CHD9: variants seen among roughly 807,000 people sequenced by gnomAD.
The protein encoded by CHD9 is chromodomain helicase DNA binding protein 9.
CHD9 carries 77 observed loss-of-function variants against 316.1 expected under a neutral mutation model. That is an observed-to-expected ratio of 0.24 (90% confidence interval 0.20 to 0.29). The LOEUF is 0.29. CHD9 is among the 10% of genes least tolerant of loss of function. The pLI, the probability that CHD9 is intolerant of heterozygous loss-of-function variation, is 1.00. For synonymous variants in CHD9, 1,129 were observed against 1,158.3 expected, an observed-to-expected ratio of 0.97 and a Z score of 0.51; for missense variants, 2,763 against 3,438.1, an observed-to-expected ratio of 0.80 and a Z score of 4.91.
chr16:53,286,688 A>G (rs2053902638), intron 26 of CHD9, among the ~76,000 whole-genome samples: 1 of 152,206 alleles, frequency 6.6e-6, no homozygotes, highest in African/African-American at 2.4e-5. Flanking sequence ...TTTATTACAT[A>G]GTCATCCCTC....
At position 53,325,187 on chromosome 16, in the gene CHD9, A is replaced by G. The variant is rs2057500361; in HGVS notation, c.*292A>G. 2 of 229,292 alleles carry G rather than the reference A, an allele frequency of 8.7e-6. No homozygotes were observed. The highest frequency in any genetic ancestry group is 1.7e-5 in the Non-Finnish European group (2 of 116,656). The allele number at this position is 229,292 out of a possible 1,614,324, so 14.2% of individuals were successfully genotyped here. A position where few individuals can be genotyped will look rare whatever the true frequency, so the allele number is the denominator to read the frequency against. ...GAAAATTATGCTCAATAAGAGTTGT[A>G]TATTTAATATATTTGCAGTGAACAC... On this transcript the variant is annotated 3_prime_UTR_variant, in exon 39 of 39. Coordinates refer to ENST00000447540, the MANE Select transcript of CHD9 (RefSeq NM_001308319.2).
intron 1 of CHD9, among the ~76,000 whole-genome samples, chr16:53,125,511 C>T (rs999071507): frequency 6.6e-6 from 1 of 152,202 alleles, no homozygotes; most frequent in Non-Finnish European, 1.5e-5. Context: ...GCCAGGATTA[C>T]AGGCATGAGC....
chr16:53,236,619 C>A (rs1026664610), intron 11 of CHD9, among the ~76,000 whole-genome samples: 12 of 150,618 alleles, frequency 8.0e-5, no homozygotes, highest in African/African-American at 2.0e-4. Context: ...CCCATTCCCC[C>A]CCACCACCAC....
chr16:53,066,376 G>A (rs1381156764), intron 1 of CHD9, among the ~76,000 whole-genome samples: 1 of 152,178 alleles, frequency 6.6e-6, no homozygotes, highest in African/African-American at 2.4e-5. Flanking sequence ...TAAAGAGTTA[G>A]GAGTCAGTAT....
chr16:53,062,333 A>C (rs930744193), intron 1 of CHD9, among the ~76,000 whole-genome samples: 1 of 152,228 alleles, frequency 6.6e-6, no homozygotes, highest in Non-Finnish European at 1.5e-5. Flanking sequence ...CCACCTGTAC[A>C]TGGCTTTTCA....
intron 38 of CHD9, among the ~76,000 whole-genome samples, chr16:53,321,982 T>TTTTTTC (rs1171378747): frequency 6.7e-6 from 1 of 149,712 alleles, no homozygotes; most frequent in Non-Finnish European, 1.5e-5. Flanking sequence ...CTATGCAATT[T>TTTTTTC]TTTTTCTTTT....
Position 53,156,672 on chromosome 16 carries a change from C to G in CHD9, c.583C>G (p.Gln195Glu). 1 of 1,613,948 alleles carries G rather than the reference C, an allele frequency of 6.2e-7. No homozygotes were observed. Among genetic ancestry groups the G allele is most frequent in the Non-Finnish European group, 8.5e-7 (1 of 1,179,860 alleles). ...CAACCCAGGGCAGAATTCTCTTAGCCAGTCTAAAAATTTTATGAATGTTTC... is the reference window on the plus strand; with the variant it reads ...CAACCCAGGGCAGAATTCTCTTAGCGAGTCTAAAAATTTTATGAATGTTTC... Reference protein sequence around the residue: ...NLNPGQNSLSQSKNFMNVSGP... With the variant: ...NLNPGQNSLSESKNFMNVSGP... Residue 195 changes from glutamine (Q) to glutamate (E), a missense_variant, in exon 2 of 39, where the codon CAG becomes GAG. By Grantham distance (29) the Gln-to-Glu change is conservative. This residue lies in a region of CHD9 where 859 missense variants were observed against 890.4 expected (regional missense o/e 0.96). Coordinates refer to ENST00000447540, the MANE Select transcript of CHD9 (RefSeq NM_001308319.2).
At position 53,209,489 on chromosome 16, in the gene CHD9, C is replaced by A. The variant is rs890299292; in HGVS notation, c.1460C>A (p.Ser487Tyr). 3.8e-6 allele frequency: 6 copies of A among 1,595,236 alleles called. No individual in the cohort carries two copies. In the African/African-American group the frequency reaches 6.8e-5, roughly 18 times the overall value. ...NHLCLQRQPPSSKKSDGSGTY... is the reference protein window; with the variant it reads ...NHLCLQRQPPYSKKSDGSGTY... ...ATATTTTTGTTTCTGTAGCCTCCAT[C>A]TTCCAAGAAGAGCGATGGTTCTGGG... Residue 487 changes from serine (S) to tyrosine (Y), a missense_variant, in exon 3 of 39, where the codon TCT becomes TAT. By Grantham distance (144) the Ser-to-Tyr change is moderately radical. Transcript: ENST00000447540.
intron 2 of CHD9, among the ~76,000 whole-genome samples, chr16:53,172,910 T>C (rs1050275485): frequency 6.6e-6 from 1 of 152,206 alleles, no homozygotes; most frequent in African/African-American, 2.4e-5. Context: ...TTGTCAGATA[T>C]CTATTTTGCA....
At chr16:53,170,341 A>G (rs1047653572) in intron 2 of CHD9, among the ~76,000 whole-genome samples, 1 of 152,204 alleles carries the variant, frequency 6.6e-6, no homozygotes, top group Non-Finnish European at 1.5e-5. Flanking sequence ...TGTGTTAAAA[A>G]TCAATGTCGT....
At chr16:53,297,679 A>T (rs11865886) in intron 30 of CHD9, among the ~76,000 whole-genome samples, 42,303 of 152,160 alleles carry the variant, frequency 0.28, 5,982 homozygotes, top group Middle Eastern at 0.32. Flanking sequence ...TTCAAAGCCC[A>T]GAGACATAGC....
intron 33 of CHD9, among the ~76,000 whole-genome samples, chr16:53,308,458 G>A (rs577506854): frequency 6.6e-6 from 1 of 152,304 alleles, no homozygotes; most frequent in East Asian, 1.9e-4. Flanking sequence ...GGTCAGAAAA[G>A]TGTGTAGAGT....
rs1184160382 is a variant in CHD9 at position 53,326,456 on chromosome 16, A to G, written c.*1561A>G. ...TTAGTCAATTGTATCAGGTTTTCCAAGACCTTTACCAGTAAATTATGTTTC... is the reference window on the plus strand; with the variant it reads ...TTAGTCAATTGTATCAGGTTTTCCAGGACCTTTACCAGTAAATTATGTTTC... On this transcript the variant is annotated 3_prime_UTR_variant, in exon 39 of 39. Coordinates refer to ENST00000447540, the MANE Select transcript of CHD9 (RefSeq NM_001308319.2). 6.6e-6 allele frequency: 1 copy of G among 152,494 alleles called. No individual in the cohort carries two copies. Among genetic ancestry groups the G allele is most frequent in the Admixed American group, 6.6e-5 (1 of 15,262 alleles). 9.4% of individuals were successfully genotyped at this position (152,494 alleles called of 1,614,324 possible).
Position 53,162,858 on chromosome 16 carries a change from C to T in CHD9, c.1452+5317C>T, listed in dbSNP as rs567423041. 1.1e-4 allele frequency among the ~76,000 whole-genome samples: 16 copies of T among 149,744 alleles called. No homozygotes were observed. In the South Asian group the frequency reaches 2.7e-3, roughly 26 times the overall value. On this transcript the variant is annotated intron_variant, in intron 2 of 38. Coordinates refer to ENST00000447540, the MANE Select transcript of CHD9 (RefSeq NM_001308319.2). Reference sequence around the variant, plus strand: ...AGTGCAGTGGGGCGTGATCATGGCTCATTGCAGCCTCCATCTCCTGGACTC... The same window carrying T: ...AGTGCAGTGGGGCGTGATCATGGCTTATTGCAGCCTCCATCTCCTGGACTC...
At chr16:53,089,432 A>AT (rs1329417461) in intron 1 of CHD9, among the ~76,000 whole-genome samples, 1 of 152,214 alleles carries the variant, frequency 6.6e-6, no homozygotes, top group Non-Finnish European at 1.5e-5. Context: ...CTCATGGAGC[A>AT]TTTTTTATTC....
intron 34 of CHD9, among the ~76,000 whole-genome samples, chr16:53,313,407 G>A (rs1313094656): frequency 6.6e-6 from 1 of 152,102 alleles, no homozygotes; most frequent in Non-Finnish European, 1.5e-5. Context: ...CCGGATTCAA[G>A]TGATTCTTGT....
intron 1 of CHD9, among the ~76,000 whole-genome samples, chr16:53,070,559 TTCTG>T (rs2033953392): frequency 1.3e-5 from 2 of 151,020 alleles, no homozygotes; most frequent in East Asian, 1.9e-4. Context: ...CTCTCTTTCT[TTCTG>T]TCTTTCTTTT....
chr16:53,231,167 C>T (rs910621493), intron 8 of CHD9, among the ~76,000 whole-genome samples: 1 of 152,160 alleles, frequency 6.6e-6, no homozygotes. Context: ...ATAGAGGCTG[C>T]TTTCAGGCAT....
chr16:53,171,830 C>CCA (rs71380026), intron 2 of CHD9, among the ~76,000 whole-genome samples: 264 of 135,604 alleles, frequency 1.9e-3, no homozygotes, highest in African/African-American at 6.1e-3. Flanking sequence ...ACAAACAAAA[C>CCA]CACACACACA....
Sources: gnomAD v4.1 joint callset for allele counts (sites outside exome capture counted in the v4.1 genomes callset) on GRCh38, gnomAD v4.1.1 for gene constraint, gnomAD v4.1.1 regional missense constraint, MANE v1.5 for transcripts, NCBI Gene and HGNC (gene_info 2026-07-23, HGNC 2026-07-21) for gene names.